The following ZNF638 variants were observed in gnomAD, a reference collection of about 807,000 sequenced individuals.
ZNF638 encodes the protein zinc finger protein 638.
A neutral mutation model predicts 195.6 loss-of-function variants in ZNF638; 46 were observed. The observed-to-expected ratio is 0.24, with a 90% CI of 0.19 to 0.30. The LOEUF is 0.30. ZNF638 is among the 10% of genes least tolerant of loss of function. The probability of loss-of-function intolerance (pLI) is 1.00; values close to 1 mark genes in which losing one functional copy is unlikely to be tolerated. For synonymous variants in ZNF638, 845 were observed against 772.0 expected, an observed-to-expected ratio of 1.09 and a Z score of -1.57; for missense variants, 2,440 against 2,325.3, an observed-to-expected ratio of 1.05 and a Z score of -1.01.
chr2:71,408,359 T>G, intron 20 of ZNF638, 112 bp downstream of exon 20: 1 of 1,296,224 alleles, frequency 7.7e-7, no homozygotes, highest in South Asian at 1.7e-5. Flanking sequence ...TTTTTATAAT[T>G]TGTGTTGCAA....
chr2:71,419,974 C>CCCCCCCCTCTTCTTTTTT (rs1189202093), intron 21 of ZNF638, among the ~76,000 whole-genome samples: 1 of 27,022 alleles, frequency 3.7e-5, no homozygotes, highest in Non-Finnish European at 5.8e-5. Context: ...CCCCCCCCGC[C>CCCCCCCCTCTTCTTTTTT]TTTTTTTTTT....
chr2:71,347,114 T>A (rs180933217), intron 1 of ZNF638, among the ~76,000 whole-genome samples: 8 of 152,086 alleles, frequency 5.3e-5, no homozygotes, highest in Non-Finnish European at 1.2e-4. Context: ...CCTTGAAGGA[T>A]GAATAAAGTC....
intron 3 of ZNF638, among the ~76,000 whole-genome samples, chr2:71,357,071 C>T (rs56408212): frequency 0.48 from 72,734 of 151,838 alleles, 18,914 homozygotes; most frequent in Admixed American, 0.61. Context: ...TTTTTGTTTT[C>T]CTTATCCCAC....
intron 7 of ZNF638, 49 bp downstream of exon 7, chr2:71,368,577 A>G: frequency 6.3e-7 from 1 of 1,594,318 alleles, no homozygotes; most frequent in South Asian, 1.1e-5. Context: ...GATTGCTTTA[A>G]TGATTCTATA....
chr2:71,354,397 T>C lies in ZNF638; in HGVS notation c.1318-1322T>C, dbSNP rs557494462. Among the ~76,000 whole-genome samples, 9 of 152,054 alleles carry C rather than the reference T, an allele frequency of 5.9e-5. No homozygotes were observed. The South Asian group carries it at 1.9e-3, about 32-fold the overall frequency. On this transcript the variant is annotated intron_variant, in intron 2 of 27. Transcript: ENST00000264447. ...TCCAGAGTTATTTATGGGTACACATTGTAATTTTAGGACAGATTTATTTGT... is the reference window on the plus strand; with the variant it reads ...TCCAGAGTTATTTATGGGTACACATCGTAATTTTAGGACAGATTTATTTGT...
intron 27 of ZNF638, 45 bp downstream of exon 27, chr2:71,433,328 C>A: frequency 1.5e-6 from 2 of 1,357,798 alleles, no homozygotes; most frequent in Non-Finnish European, 2.1e-6. Flanking sequence ...TTGTTATTGT[C>A]TTAGAATCAA....
intron 1 of ZNF638, among the ~76,000 whole-genome samples, chr2:71,333,709 C>T (rs1248853021): frequency 6.6e-6 from 1 of 151,100 alleles, no homozygotes; most frequent in Non-Finnish European, 1.5e-5. Context: ...CCCTTTTCCT[C>T]AGTATGTGTG....
intron 3 of ZNF638, among the ~76,000 whole-genome samples, chr2:71,358,501 G>T (rs1420306945): frequency 6.6e-6 from 1 of 152,184 alleles, no homozygotes; most frequent in East Asian, 1.9e-4. Context: ...GGTAAGAACT[G>T]CAACTGGATA....
In ZNF638 at chr2:71,355,751, T is replaced by C. The variant is rs1558838088; in HGVS notation, c.1350T>C (p.His450=). ...TTCAGCATCAAAATACATCTACTCA[T>C]ATTGAGAGCTGTCGACAGTTACGTC... The part of the protein sequence containing the change: ...DWIQHQNTST[H]IESCRQLRQQ... Residue 450 remains histidine, a synonymous_variant, in exon 3 of 28, where the codon CAT becomes CAC. Coordinates refer to ENST00000264447, the MANE Select transcript of ZNF638 (RefSeq NM_014497.5). The C allele has an allele frequency of 6.3e-7, 1 of 1,598,648 alleles. No individual in the cohort carries two copies. The highest frequency in any genetic ancestry group is 8.5e-7 in the Non-Finnish European group (1 of 1,172,846).
chr2:71,336,223 T>C (rs1460264474), intron 1 of ZNF638, among the ~76,000 whole-genome samples: 1 of 151,808 alleles, frequency 6.6e-6, no homozygotes, highest in Non-Finnish European at 1.5e-5. Context: ...AATACAAAAT[T>C]AGCTGGGGTG....
intron 1 of ZNF638, among the ~76,000 whole-genome samples, chr2:71,337,470 G>T (rs1170104561): frequency 6.6e-6 from 1 of 152,090 alleles, no homozygotes; most frequent in Non-Finnish European, 1.5e-5. Flanking sequence ...CTGGAGTCCA[G>T]TGAGTGATCT....
intron 1 of ZNF638, among the ~76,000 whole-genome samples, chr2:71,332,197 C>T (rs1043284275): frequency 2.0e-5 from 3 of 152,234 alleles, no homozygotes. Context: ...CGTGAAGAGC[C>T]CTTTGGCGAG....
At chr2:71,404,020 A>C in intron 17 of ZNF638, 22 bp downstream of exon 17, 1 of 1,584,690 alleles carries the variant, frequency 6.3e-7, no homozygotes, top group Non-Finnish European at 8.6e-7. Flanking sequence ...CACCATTTTT[A>C]CTAGCTCTTA....
rs72840998 is a variant in ZNF638 at position 71,428,056 on chromosome 2, G to A, written c.5546-491G>A. On this transcript the variant is annotated intron_variant, in intron 24 of 27. Transcript: ENST00000264447. ...AAAATTAAAAAATGAGCCAGGCACGGTGGCATGCGTCTGTGGTCCCAGCTG... is the reference window on the plus strand; with the variant it reads ...AAAATTAAAAAATGAGCCAGGCACGATGGCATGCGTCTGTGGTCCCAGCTG... Among the ~76,000 whole-genome samples the A allele has an allele frequency of 7.0e-3, 1,069 of 152,244 alleles. 9 individuals are homozygous for A. The highest frequency in any genetic ancestry group is 0.024 in the Middle Eastern group (7 of 294).
intron 1 of ZNF638, among the ~76,000 whole-genome samples, chr2:71,347,626 G>A (rs1037304297): frequency 6.6e-5 from 10 of 152,188 alleles, no homozygotes; most frequent in Non-Finnish European, 1.3e-4. Context: ...CACCAGCATA[G>A]TCTATATGCT....
At chr2:71,400,364 C>A in intron 14 of ZNF638, 114 bp from the exon 15 acceptor site, 1 of 1,128,398 alleles carries the variant, frequency 8.9e-7, no homozygotes, top group Non-Finnish European at 1.3e-6. Context: ...TGTACTAATT[C>A]TCTAGACTTG....
At chr2:71,399,416 C>T in intron 12 of ZNF638, 143 bp from the exon 13 acceptor site, 1 of 623,108 alleles carries the variant, frequency 1.6e-6, no homozygotes, top group Non-Finnish European at 2.8e-6. Flanking sequence ...GAAAGAGGTA[C>T]TGAAAATAAA....
At chr2:71,338,334 T>G (rs2104095373) in intron 1 of ZNF638, among the ~76,000 whole-genome samples, 1 of 152,356 alleles carries the variant, frequency 6.6e-6, no homozygotes, top group African/African-American at 2.4e-5. Flanking sequence ...AGAGCTTCCC[T>G]TCTTCCGCAT....
intron 1 of ZNF638, among the ~76,000 whole-genome samples, chr2:71,338,046 A>G (rs2078701098): frequency 6.6e-6 from 1 of 151,554 alleles, no homozygotes; most frequent in Non-Finnish European, 1.5e-5. Context: ...TCCCCAGGAT[A>G]TCAGATCTGG....
Sources: allele counts gnomAD v4.1 joint callset (sites outside exome capture counted in the v4.1 genomes callset), GRCh38; gene constraint gnomAD v4.1.1; transcripts MANE v1.5; gene names NCBI Gene and HGNC (gene_info 2026-07-23, HGNC 2026-07-21).